Variants in TASP1 observed in about 807,000 individuals in gnomAD.
TASP1 encodes the protein taspase 1.
TASP1 carries 16 observed loss-of-function variants against 56.6 expected under a neutral mutation model. That is an observed-to-expected ratio of 0.28 (90% CI 0.19 to 0.43). The LOEUF (loss-of-function observed/expected upper bound fraction) is 0.43. Among genes scored for constraint, TASP1 ranks in the 20% least tolerant of loss-of-function variants. TASP1 has a pLI of 1.00. For synonymous variants in TASP1, 179 were observed against 184.2 expected, an observed-to-expected ratio of 0.97 and a Z score of 0.23; for missense variants, 393 against 511.6, an observed-to-expected ratio of 0.77 and a Z score of 2.24.
the TASP1 span, among the ~76,000 whole-genome samples, chr20:13,357,700 A>G: frequency 6.6e-6 from 1 of 152,206 alleles, no homozygotes; most frequent in Non-Finnish European, 1.5e-5. Context: ...TTACACATGA[A>G]TATCTACAGC....
At chr20:13,442,593 T>A (rs890310138) in intron 11 of TASP1, among the ~76,000 whole-genome samples, 2 of 151,458 alleles carry the variant, frequency 1.3e-5, no homozygotes, top group African/African-American at 4.9e-5. Context: ...AGTGAGCCGA[T>A]ATCGTGCCCC....
chr20:13,221,219 ACTCCTCCTCCTC>A, the TASP1 span, among the ~76,000 whole-genome samples: 23,805 of 83,254 alleles, frequency 0.29, 2,845 homozygotes, highest in Middle Eastern at 0.35. Context: ...AAGCCCTCCT[ACTCCTCCTCCTC>A]CTCCTCCTCC....
the TASP1 span, among the ~76,000 whole-genome samples, chr20:13,171,199 A>C: frequency 1.3e-5 from 2 of 152,206 alleles, no homozygotes; most frequent in African/African-American, 4.8e-5. Context: ...AACTATTTTT[A>C]TAGTGTCCAT....
the TASP1 span, among the ~76,000 whole-genome samples, chr20:13,338,978 A>G: frequency 6.6e-6 from 1 of 152,120 alleles, no homozygotes; most frequent in Non-Finnish European, 1.5e-5. Flanking sequence ...TGCAATAGCC[A>G]CTTTCTAAGC....
the TASP1 span, among the ~76,000 whole-genome samples, chr20:13,229,890 C>T: frequency 1.3e-5 from 2 of 152,248 alleles, no homozygotes; most frequent in East Asian, 3.9e-4. Context: ...TGGATTGACT[C>T]ATATTTCTTC....
the TASP1 span, chr20:13,244,400 AACC>A: frequency 2.0e-5 from 3 of 152,036 alleles, no homozygotes; most frequent in East Asian, 5.8e-4. Flanking sequence ...AAAAAAAAAA[AACC>A]AGCATAAGCT....
chr20:13,383,808 C>T, the TASP1 span, among the ~76,000 whole-genome samples: 2 of 152,208 alleles, frequency 1.3e-5, no homozygotes, highest in Non-Finnish European at 2.9e-5. Flanking sequence ...TTACGTTAAG[C>T]TCAATTTACA....
At chr20:13,134,536 G>A in the TASP1 span, among the ~76,000 whole-genome samples, 1 of 152,150 alleles carries the variant, frequency 6.6e-6, no homozygotes, top group Non-Finnish European at 1.5e-5. Context: ...TTCTCAAAGA[G>A]TGGTCCCTGG....
the TASP1 span, among the ~76,000 whole-genome samples, chr20:13,302,715 G>A: frequency 6.6e-5 from 10 of 152,164 alleles, no homozygotes; most frequent in African/African-American, 9.7e-5. Flanking sequence ...CTCTTTGAGT[G>A]CACTGCTCTT....
At chr20:13,564,262 C>A (rs1454765110) in intron 7 of TASP1, among the ~76,000 whole-genome samples, 1 of 151,898 alleles carries the variant, frequency 6.6e-6, no homozygotes, top group Non-Finnish European at 1.5e-5. Context: ...AATCAACACT[C>A]AAAAATCAGT....
chr20:13,145,886 G>C, the TASP1 span, among the ~76,000 whole-genome samples: 1 of 152,106 alleles, frequency 6.6e-6, no homozygotes, highest in Non-Finnish European at 1.5e-5. Context: ...ACAAGTAATG[G>C]GGAAAGGACT....
At chr20:13,410,645 T>C (rs1343547985) in intron 13 of TASP1, among the ~76,000 whole-genome samples, 1 of 152,216 alleles carries the variant, frequency 6.6e-6, no homozygotes, top group Non-Finnish European at 1.5e-5. Flanking sequence ...AGGTATCTAC[T>C]CATGTCTTTT....
the TASP1 span, among the ~76,000 whole-genome samples, chr20:13,146,526 C>A: frequency 6.6e-6 from 1 of 152,118 alleles, no homozygotes; most frequent in Non-Finnish European, 1.5e-5. Flanking sequence ...TAATTAATGG[C>A]TTGCTAAAAT....
chr20:13,375,535 A>G, the TASP1 span, among the ~76,000 whole-genome samples: 14 of 152,170 alleles, frequency 9.2e-5, no homozygotes, highest in Non-Finnish European at 1.3e-4. Flanking sequence ...ATAGTGCTGC[A>G]ATAAACATAT....
At chr20:13,522,625 T>C (rs966487866) in intron 10 of TASP1, among the ~76,000 whole-genome samples, 2 of 152,184 alleles carry the variant, frequency 1.3e-5, no homozygotes, top group African/African-American at 4.8e-5. Context: ...ATGTCTGTTA[T>C]ATATACAAGT....
the TASP1 span, among the ~76,000 whole-genome samples, chr20:13,311,888 T>G: frequency 1.1e-4 from 17 of 152,308 alleles, no homozygotes; most frequent in Middle Eastern, 3.4e-3. Context: ...ATGACTGTAG[T>G]TAATAATCTA....
chr20:13,561,596 A>T (rs2046345750), intron 7 of TASP1, among the ~76,000 whole-genome samples: 1 of 152,078 alleles, frequency 6.6e-6, no homozygotes, highest in Non-Finnish European at 1.5e-5. Flanking sequence ...CAAACTCCTG[A>T]GCTCAGGTGA....
At chr20:13,337,041 G>A in the TASP1 span, among the ~76,000 whole-genome samples, 5 of 152,198 alleles carry the variant, frequency 3.3e-5, no homozygotes, top group Admixed American at 6.5e-5. Context: ...TTCCAGGTTC[G>A]ATGTTTTTGA....
At chr20:13,393,281 C>T in intron 13 of TASP1, 2 of 750,670 alleles carry the variant, frequency 2.7e-6, no homozygotes. Flanking sequence ...GTGTGGCTCT[C>T]CAGAACATCA....
Sources: allele counts gnomAD v4.1 joint callset (sites outside exome capture counted in the v4.1 genomes callset), GRCh38; gene constraint gnomAD v4.1.1; transcripts MANE v1.5; gene names NCBI Gene and HGNC (gene_info 2026-07-23, HGNC 2026-07-21).